RIOX2: variants seen among roughly 807,000 people sequenced by gnomAD.
RIOX2 encodes the protein 60S ribosomal protein L27a histidine hydroxylase.
RIOX2 carries 43 observed loss-of-function variants against 51.2 expected under a neutral mutation model. The ratio of observed to expected loss-of-function variants is 0.84; its 90% CI spans 0.66 to 1.08. The LOEUF is 1.08. Among genes scored for constraint, RIOX2 ranks in the 50% least tolerant of loss-of-function variants. The pLI is 0.00. For missense variants in RIOX2, 566 were observed against 561.7 expected, an observed-to-expected ratio of 1.01 and a Z score of -0.08; for synonymous variants, 226 against 218.5, an observed-to-expected ratio of 1.03 and a Z score of -0.30.
chr3:97,955,585 T>C (rs774723867), intron 4 of RIOX2, among the ~76,000 whole-genome samples: 3 of 152,150 alleles, frequency 2.0e-5, no homozygotes, highest in African/African-American at 7.2e-5. Flanking sequence ...ATAAGAGCTA[T>C]CTTAGTTGCA....
At chr3:97,959,305 GGTT>G in intron 3 of RIOX2, 126 bp from the exon 4 acceptor site, 2 of 423,452 alleles carry the variant, frequency 4.7e-6, no homozygotes, top group African/African-American at 2.3e-5. Flanking sequence ...GAACAACACA[GGTT>G]TTTTTTTTTT....
intron 1 of RIOX2, among the ~76,000 whole-genome samples, chr3:97,968,746 A>G (rs1317341652): frequency 6.6e-6 from 1 of 151,984 alleles, no homozygotes; most frequent in Non-Finnish European, 1.5e-5. Context: ...CTGGGAAGGG[A>G]CTCCATCACT....
At position 97,943,021 on chromosome 3, in the gene RIOX2, G is replaced by T; in HGVS notation, c.*2163C>A. ...ATACAATCATGTATTATACCTTTTA[G>T]TATTTCAATTTGAGTCATAATAAGG... On this transcript the variant is annotated 3_prime_UTR_variant, in exon 10 of 10. Coordinates refer to ENST00000394198, the MANE Select transcript of RIOX2 (RefSeq NM_153182.4). 1 of 540,196 alleles carries T rather than the reference G, an allele frequency of 1.9e-6. No homozygotes were observed. The highest frequency in any genetic ancestry group is 3.2e-6 in the Non-Finnish European group (1 of 307,748). 33.5% of individuals were successfully genotyped at this position (540,196 alleles called of 1,614,324 possible). A position where few individuals can be genotyped will look rare whatever the true frequency, so the allele number is the denominator to read the frequency against.
Position 97,943,108 on chromosome 3 carries a change from T to C in RIOX2, c.*2076A>G, listed in dbSNP as rs1357218794. ...ACTCAGCTTCCCATTTCAGACTTCT[T>C]TGTAAATGACACATTCATCCACCGA... is the stretch of plus-strand genomic sequence containing the variant. On this transcript the variant is annotated 3_prime_UTR_variant, in exon 10 of 10. Transcript: ENST00000394198. 1.6e-6 allele frequency: 1 copy of C among 624,710 alleles called. No individual in the cohort carries two copies. The highest frequency in any genetic ancestry group is 1.9e-5 in the African/African-American group (1 of 53,476). 38.7% of individuals were successfully genotyped at this position (624,710 alleles called of 1,614,324 possible).
At position 97,966,163 on chromosome 3, in the gene RIOX2, A is replaced by G. The variant is rs137862019; in HGVS notation, c.432+999T>C. Among the ~76,000 whole-genome samples, 320 of 152,326 alleles carry G rather than the reference A, an allele frequency of 2.1e-3. 1 individual carries two copies. The highest frequency in any genetic ancestry group is 7.2e-3 in the African/African-American group (300 of 41,580). On this transcript the variant is annotated intron_variant, in intron 2 of 9. Coordinates refer to ENST00000394198, the MANE Select transcript of RIOX2 (RefSeq NM_153182.4). ...AAGGGCATTCACCAGATGAAGCCCA[A>G]TGGGATATAACAAGCCACCTCAAGT... is the stretch of plus-strand genomic sequence containing the variant.
Position 97,959,104 on chromosome 3 carries a change from T to C in RIOX2, c.628A>G (p.Ser210Gly). Residue 210 changes from serine (S) to glycine (G), a missense_variant, in exon 4 of 10, where the codon AGC (serine) becomes GGC (glycine). Physicochemically the swap from Ser to Gly is moderately conservative, Grantham distance 56. Coordinates refer to ENST00000394198, the MANE Select transcript of RIOX2 (RefSeq NM_153182.4). Reference sequence around the variant, plus strand: ...CCGATCCTTTCCTCGGCCTCCACGCTGTACTCTCGTGCCAGGGGCACAGTG... The same window carrying C: ...CCGATCCTTTCCTCGGCCTCCACGCCGTACTCTCGTGCCAGGGGCACAGTG... ...HPTVPLAREY[S>G]VEAEERIGRP... is the part of the protein sequence containing the mutation. 2 of 1,613,928 alleles carry C rather than the reference T, an allele frequency of 1.2e-6. No homozygotes were observed. Among genetic ancestry groups the C allele is most frequent in the Non-Finnish European group, 1.7e-6 (2 of 1,179,918 alleles).
At chr3:97,946,476 G>T (rs2040360359) in intron 8 of RIOX2, among the ~76,000 whole-genome samples, 1 of 150,594 alleles carries the variant, frequency 6.6e-6, no homozygotes, top group Admixed American at 6.6e-5. Context: ...TCACCTCTTA[G>T]ATAAGGGCAA....
In RIOX2 at chr3:97,949,847, G is replaced by T; in HGVS notation, c.1057C>A (p.Pro353Thr). ...SAGDGAELST[P>T]GGKLPRLDSV... ...AGAAGAAAACAGCAAGCTCCACCTG[G>T]TGTTGACAGCTCTGCCCCATCTCCC... Residue 353 changes from proline to threonine, a missense_variant, in exon 7 of 10, where the codon CCA (proline) becomes ACA (threonine). Transcript: ENST00000394198. 6.2e-7 allele frequency: 1 copy of T among 1,612,458 alleles called. No homozygotes were observed.
At chr3:97,962,864 G>T (rs1230022219) in intron 2 of RIOX2, among the ~76,000 whole-genome samples, 1 of 152,154 alleles carries the variant, frequency 6.6e-6, no homozygotes, top group Non-Finnish European at 1.5e-5. Context: ...TTCAAATTCA[G>T]GCAGCATGGC....
At chr3:97,965,657 C>T (rs996098867) in intron 2 of RIOX2, among the ~76,000 whole-genome samples, 1 of 152,166 alleles carries the variant, frequency 6.6e-6, no homozygotes, top group African/African-American at 2.4e-5. Flanking sequence ...GAATCCCAGA[C>T]GAGGAATGTG....
At chr3:97,959,475 G>A (rs932241011) in intron 3 of RIOX2, among the ~76,000 whole-genome samples, 1 of 151,884 alleles carries the variant, frequency 6.6e-6, no homozygotes, top group Non-Finnish European at 1.5e-5. Flanking sequence ...ATGCACCACA[G>A]CTCCCAGCTA....
At chr3:97,961,470 G>C in intron 3 of RIOX2, 119 bp downstream of exon 3, 1 of 1,093,830 alleles carries the variant, frequency 9.1e-7, no homozygotes, top group South Asian at 2.4e-5. Context: ...TGCACAGAAA[G>C]AGCGAATACA....
At chr3:97,954,073 AGAGT>A in intron 5 of RIOX2, 1 of 239,930 alleles carries the variant, frequency 4.2e-6, no homozygotes, top group Non-Finnish European at 8.2e-6. Flanking sequence ...AAAAAGAGAG[AGAGT>A]ATGAGCCCAG....
chr3:97,959,757 A>G (rs1427805875), intron 3 of RIOX2, among the ~76,000 whole-genome samples: 1 of 152,198 alleles, frequency 6.6e-6, no homozygotes, highest in Non-Finnish European at 1.5e-5. Flanking sequence ...AATGCATCAA[A>G]TATAAAAACA....
At chr3:97,963,285 G>A (rs1404853422) in intron 2 of RIOX2, among the ~76,000 whole-genome samples, 2 of 152,048 alleles carry the variant, frequency 1.3e-5, no homozygotes, top group South Asian at 4.2e-4. Flanking sequence ...TACCATGCCC[G>A]GCTAATTTTT....
At position 97,949,876 on chromosome 3, in the gene RIOX2, G is replaced by C. The variant is rs959662016; in HGVS notation, c.1028C>G (p.Ser343Cys). The C allele has an allele frequency of 1.1e-5, 17 of 1,613,848 alleles. No individual in the cohort carries two copies. The highest frequency in any genetic ancestry group is 1.4e-5 in the Non-Finnish European group (16 of 1,179,908). The change falls in exon 7 of 10, where the codon TCT becomes TGT. Residue 343 changes from serine (S) to cysteine (C), a missense_variant. Transcript: ENST00000394198. The part of the protein sequence containing the change: ...DFIMHRLPPY[S>C]AGDGAELSTP... ...TGACAGCTCTGCCCCATCTCCCGCA[G>C]AGTAAGGGGGGAGTCTGTGCATAAT...
At position 97,942,727 on chromosome 3, in the gene RIOX2, G is replaced by C. The variant is rs1471099006; in HGVS notation, c.*2457C>G. The C allele has an allele frequency of 3.6e-6, 1 of 274,342 alleles. No individual in the cohort carries two copies. Among genetic ancestry groups the C allele is most frequent in the Non-Finnish European group, 6.7e-6 (1 of 149,496 alleles). 17.0% of individuals were successfully genotyped at this position (274,342 alleles called of 1,614,324 possible). A position where few individuals can be genotyped will look rare whatever the true frequency, so the allele number is the denominator to read the frequency against. On this transcript the variant is annotated 3_prime_UTR_variant, in exon 10 of 10. Transcript: ENST00000394198. ...TTTCAAGCACCATAAACCATGAAAT[G>C]AATGTCATCTGTTTCTTAGAAACAT...
intron 4 of RIOX2, among the ~76,000 whole-genome samples, chr3:97,956,305 CG>C (rs1444933328): frequency 2.0e-5 from 3 of 152,136 alleles, no homozygotes; most frequent in Admixed American, 1.3e-4. Context: ...GGCTGGAAAA[CG>C]TAAGTAAACA....
intron 1 of RIOX2, among the ~76,000 whole-genome samples, chr3:97,968,410 A>G (rs921186535): frequency 2.0e-5 from 3 of 152,248 alleles, no homozygotes; most frequent in South Asian, 2.1e-4. Flanking sequence ...CAATATCATT[A>G]GCCCCTAACA....
Sources: gnomAD v4.1 joint callset for allele counts (sites outside exome capture counted in the v4.1 genomes callset) on GRCh38, gnomAD v4.1.1 for gene constraint, MANE v1.5 for transcripts, NCBI Gene and HGNC (gene_info 2026-07-23, HGNC 2026-07-21) for gene names.